SLC25A30: variants seen among roughly 807,000 people sequenced by gnomAD.
SLC25A30 encodes the protein solute carrier family 25 member 30.
SLC25A30 carries 29 observed loss-of-function variants against 42.7 expected under a neutral mutation model. That is an observed-to-expected ratio of 0.68 (90% confidence interval 0.51 to 0.93). SLC25A30 has a LOEUF of 0.93. SLC25A30 is among the 40% of genes least tolerant of loss of function. The pLI is 0.00. For missense variants in SLC25A30, 300 were observed against 359.7 expected (o/e 0.83, Z 1.34); for synonymous variants, 124 against 131.0 (o/e 0.95, Z 0.37).
chr13:45,418,471 C>G (rs889077191), upstream of SLC25A30: 1 of 152,796 alleles, frequency 6.5e-6, no homozygotes, highest in African/African-American at 2.4e-5. Flanking sequence ...CCTCAGCTCC[C>G]ATTGGTTTCT....
chr13:45,422,840 C>T (rs1883922565), upstream of SLC25A30, among the ~76,000 whole-genome samples: 2 of 152,122 alleles, frequency 1.3e-5, no homozygotes, highest in African/African-American at 4.8e-5. Flanking sequence ...TTGGCACACA[C>T]TGCATTGCAC....
chr13:45,412,586 C>A (rs183107519), intron 1 of SLC25A30, among the ~76,000 whole-genome samples: 2 of 152,270 alleles, frequency 1.3e-5, no homozygotes, highest in East Asian at 3.9e-4. Context: ...ACCATCATCA[C>A]CACAGCAGGC....
intron 1 of SLC25A30, among the ~76,000 whole-genome samples, chr13:45,416,363 G>A (rs1015028359): frequency 4.6e-5 from 7 of 151,648 alleles, no homozygotes; most frequent in African/African-American, 1.5e-4. Flanking sequence ...AGCTGAGACC[G>A]CACCACTGCA....
Position 45,402,298 on chromosome 13 carries a change from C to A in SLC25A30, c.466G>T (p.Glu156Ter). The A allele has an allele frequency of 6.2e-7, 1 of 1,613,990 alleles. No homozygotes were observed. Among genetic ancestry groups the A allele is most frequent in the Non-Finnish European group, 8.5e-7 (1 of 1,179,872 alleles). The change falls in exon 6 of 10, where the codon GAG becomes TAG. Residue 156 changes from glutamate (E) to a stop codon, truncating the protein, a stop_gained. Transcript: ENST00000519676. LOFTEE classifies it high-confidence loss of function. ...ACCTTCCACAGTCCTCTTGTCCCCT[C>A]TTGCTGGTAAATGTTCATGAAGTTG... Reference protein sequence around the residue: ...IGNFMNIYQQEGTRGLWKGVS... With the variant: ...IGNFMNIYQQ
At chr13:45,425,546 A>ATAAATATG in the SLC25A30 span, among the ~76,000 whole-genome samples, 13 of 80,190 alleles carry the variant, frequency 1.6e-4, 1 homozygote, top group African/African-American at 6.4e-4. Context: ...AAGTATATAT[A>ATAAATATG]TATAAGTATA....
At position 45,393,653 on chromosome 13, in the gene SLC25A30, G is replaced by A. The variant is rs1336454153; in HGVS notation, c.*2321C>T. ...CTTATAGCCAGAACCCTGACAACGA[G>A]GGGACCAAGTCTCCCAATTCCTTAA... is the stretch of plus-strand genomic sequence containing the variant. On this transcript the variant is annotated 3_prime_UTR_variant, in exon 10 of 10. Coordinates refer to ENST00000519676, the MANE Select transcript of SLC25A30 (RefSeq NM_001010875.4). 1.0e-6 allele frequency: 1 copy of A among 985,244 alleles called. No individual in the cohort carries two copies. The highest frequency in any genetic ancestry group is 1.7e-5 in the African/African-American group (1 of 57,214). 61.0% of individuals were successfully genotyped at this position (985,244 alleles called of 1,614,324 possible).
At chr13:45,415,308 A>G (rs1001951458) in intron 1 of SLC25A30, among the ~76,000 whole-genome samples, 6 of 152,150 alleles carry the variant, frequency 3.9e-5, no homozygotes, top group Admixed American at 2.6e-4. Flanking sequence ...GAAGGATCAC[A>G]TGACCCTTCC....
upstream of SLC25A30, among the ~76,000 whole-genome samples, chr13:45,419,572 G>A (rs2137714252): frequency 6.6e-6 from 1 of 151,428 alleles, no homozygotes; most frequent in South Asian, 2.1e-4. Context: ...GCCTGCCTCG[G>A]CCTCCCAAAG....
rs191252380 is a variant in SLC25A30 at position 45,417,988 on chromosome 13, G to C, written c.-56+312C>G. ...TTAGCAGACGCGGAGATGCCAGGAC[G>C]GGCTTCGCACTCGGATCTGAATGAC... On this transcript the variant is annotated intron_variant, in intron 1 of 9. Transcript: ENST00000519676. 1.6e-3 allele frequency among the ~76,000 whole-genome samples: 245 copies of C among 152,280 alleles called. 3 individuals carry two copies. Among genetic ancestry groups the C allele is most frequent in the African/African-American group, 5.4e-3 (224 of 41,576 alleles).
upstream of SLC25A30, among the ~76,000 whole-genome samples, chr13:45,419,901 G>C (rs1211104576): frequency 6.6e-6 from 1 of 151,526 alleles, no homozygotes; most frequent in Non-Finnish European, 1.5e-5. Context: ...CTGCACTCTA[G>C]CTGCTGCACT....
At chr13:45,402,405 AACT>A in intron 5 of SLC25A30, 35 bp from the exon 6 acceptor site, 1 of 1,548,746 alleles carries the variant, frequency 6.5e-7, no homozygotes, top group South Asian at 1.1e-5. Context: ...ATCAGAAAGA[AACT>A]ACCACAATCC....
At chr13:45,408,699 GTC>G (rs1882733453) in intron 3 of SLC25A30, among the ~76,000 whole-genome samples, 1 of 152,158 alleles carries the variant, frequency 6.6e-6, no homozygotes. Flanking sequence ...TTTTATTGTT[GTC>G]TGTCTGTACT....
chr13:45,424,258 T>A, the SLC25A30 span, among the ~76,000 whole-genome samples: 438 of 636 alleles, frequency 0.69, 203 homozygotes, highest in Middle Eastern at 1. Flanking sequence ...TAAATATATG[T>A]AAATATATAT....
chr13:45,428,017 A>C, the SLC25A30 span, among the ~76,000 whole-genome samples: 1 of 151,524 alleles, frequency 6.6e-6, no homozygotes, highest in Non-Finnish European at 1.5e-5. Context: ...TGCTGGGATT[A>C]CAGGCATGAG....
At chr13:45,421,013 C>T (rs898013087), upstream of SLC25A30, among the ~76,000 whole-genome samples, 2 of 151,824 alleles carry the variant, frequency 1.3e-5, no homozygotes, top group African/African-American at 4.8e-5. Flanking sequence ...GGGTCTTGGC[C>T]CAGGGATTGG....
chr13:45,410,004 T>A lies in SLC25A30; in HGVS notation c.65-930A>T, dbSNP rs138792820. On this transcript the variant is annotated intron_variant, in intron 2 of 9. Transcript: ENST00000519676. ...CCACGGCTCATCCAGCTTACCCACC[T>A]TGGCCTCAATTCTCCCCAGTCCCAC... Among the ~76,000 whole-genome samples the A allele has an allele frequency of 3.2e-3, 488 of 152,236 alleles. 2 individuals carry two copies. The highest frequency in any genetic ancestry group is 0.011 in the African/African-American group (464 of 41,556).
chr13:45,411,685 A>T, intron 1 of SLC25A30: 2 of 477,778 alleles, frequency 4.2e-6, no homozygotes, highest in Non-Finnish European at 7.7e-6. Context: ...TTTATCAGTG[A>T]TCTTAATTTT....
chr13:45,423,112 A>G (rs1411664119), upstream of SLC25A30, among the ~76,000 whole-genome samples: 4 of 152,132 alleles, frequency 2.6e-5, no homozygotes, highest in Non-Finnish European at 4.4e-5. Context: ...TGCTCAGCAT[A>G]GCACCTGGCA....
At chr13:45,399,434 C>T (rs1224091534) in intron 7 of SLC25A30, among the ~76,000 whole-genome samples, 1 of 152,166 alleles carries the variant, frequency 6.6e-6, no homozygotes, top group Non-Finnish European at 1.5e-5. Flanking sequence ...ATCTCAGACT[C>T]TTGACCTCAA....
Sources: allele counts gnomAD v4.1 joint callset (sites outside exome capture counted in the v4.1 genomes callset), GRCh38; gene constraint gnomAD v4.1.1; transcripts MANE v1.5; gene names NCBI Gene and HGNC (gene_info 2026-07-23, HGNC 2026-07-21).